The following CDH4 variants were observed in gnomAD, a reference collection of about 807,000 sequenced individuals.
The protein encoded by CDH4 is cadherin-4.
In CDH4, 33 loss-of-function variants were observed where a neutral mutation model predicts 86.0. The observed-to-expected ratio is 0.38, with a 90% CI of 0.29 to 0.51. The LOEUF (loss-of-function observed/expected upper bound fraction) is 0.51, where lower values mean the gene tolerates loss of function less well. Among genes scored for constraint, CDH4 ranks in the 20% least tolerant of loss-of-function variants. The pLI is 0.86. For missense variants in CDH4, 1,114 were observed against 1,307.4 expected (o/e 0.85, Z 2.28); for synonymous variants, 555 against 549.4 (o/e 1.01, Z -0.14).
At chr20:61,593,135 C>T (rs7353390) in intron 2 of CDH4, among the ~76,000 whole-genome samples, 35 of 152,278 alleles carry the variant, frequency 2.3e-4, no homozygotes, top group East Asian at 3.9e-4. Flanking sequence ...CAGAACTGTA[C>T]GGTAATGCTT....
At chr20:61,282,444 T>C (rs1219974284) in intron 2 of CDH4, among the ~76,000 whole-genome samples, 2 of 152,222 alleles carry the variant, frequency 1.3e-5, no homozygotes, top group Non-Finnish European at 2.9e-5. Context: ...AAAAAAATTA[T>C]TGTTAAAGAC....
At chr20:61,570,555 G>C (rs1262512252) in intron 2 of CDH4, 1 of 652,936 alleles carries the variant, frequency 1.5e-6, no homozygotes, top group Non-Finnish European at 2.8e-6. Flanking sequence ...TTACATCCAA[G>C]CGTTGACTTT....
At chr20:61,429,791 G>A (rs62199130) in intron 2 of CDH4, among the ~76,000 whole-genome samples, 107 of 131,792 alleles carry the variant, frequency 8.1e-4, no homozygotes, top group African/African-American at 3.1e-3. Flanking sequence ...GGATGGGTGG[G>A]TGGAAAGATG....
In CDH4 at chr20:61,501,350, G is replaced by A. The variant is rs763612234; in HGVS notation, c.170-242213G>A. Among the ~76,000 whole-genome samples, 2 of 152,246 alleles carry A rather than the reference G, an allele frequency of 1.3e-5. No homozygotes were observed. Among genetic ancestry groups the A allele is most frequent in the Non-Finnish European group, 2.9e-5 (2 of 68,046 alleles). ...AACAGCGGTTAGAGACGGGTGGAAA[G>A]AGAGAGCATTGGGGTGACTGAGACA... On this transcript the variant is annotated intron_variant, in intron 2 of 15. Coordinates refer to ENST00000614565, the MANE Select transcript of CDH4 (RefSeq NM_001794.5). This position sits in a 1 kb window ranked among gnomAD's most constrained non-coding sequence, Gnocchi z 4.2.
At chr20:61,568,635 C>T (rs935600663) in intron 2 of CDH4, among the ~76,000 whole-genome samples, 3 of 152,250 alleles carry the variant, frequency 2.0e-5, no homozygotes, top group Non-Finnish European at 4.4e-5. Context: ...ATGCTCCAGT[C>T]TTGGCGCCTT....
chr20:61,924,482 G>A lies in CDH4; in HGVS notation c.1771+6G>A. ...CTTCCTGGCAGCTGACAATGGTGCG[G>A]CCCACCCCAGGGAGGCAGCCGTCTC... On this transcript the variant is annotated splice_donor_region_variant and intron_variant, in intron 11 of 15. Transcript: ENST00000614565. The A allele has an allele frequency of 2.5e-6, 4 of 1,611,764 alleles. No individual in the cohort carries two copies. Among genetic ancestry groups the A allele is most frequent in the Non-Finnish European group, 3.4e-6 (4 of 1,179,040 alleles).
chr20:61,844,475 G>A (rs1035113729), intron 4 of CDH4, among the ~76,000 whole-genome samples, 193 bp from the exon 5 acceptor site: 7 of 152,136 alleles, frequency 4.6e-5, no homozygotes, highest in Admixed American at 6.5e-5. Flanking sequence ...TGCAGTCGGC[G>A]GCTCTCAGTG....
At position 61,393,345 on chromosome 20, in the gene CDH4, G is replaced by C. The variant is rs779022214; in HGVS notation, c.169+138408G>C. ...CAGTGGTGTGGGGGACAGCAGCCGG[G>C]GGGGGCCGGGGTCTTCCTTACCTCC... is the stretch of plus-strand genomic sequence containing the variant. On this transcript the variant is annotated intron_variant, in intron 2 of 15. Transcript: ENST00000614565. The surrounding 1 kb of genome is among the most constrained non-coding windows in gnomAD (Gnocchi z 4.3). Among the ~76,000 whole-genome samples, 11 of 152,150 alleles carry C rather than the reference G, an allele frequency of 7.2e-5. No individual in the cohort carries two copies. The South Asian group carries it at 8.3e-4, about 12-fold the overall frequency.
At chr20:61,794,365 C>T (rs1979409285) in intron 4 of CDH4, among the ~76,000 whole-genome samples, 1 of 152,144 alleles carries the variant, frequency 6.6e-6, no homozygotes, top group African/African-American at 2.4e-5. Flanking sequence ...GGACATTCCA[C>T]TAAGCCAGCC....
Position 61,879,205 on chromosome 20 carries a change from C to G in CDH4, c.1050+5305C>G, listed in dbSNP as rs939091950. Among the ~76,000 whole-genome samples, 22 of 152,222 alleles carry G rather than the reference C, an allele frequency of 1.4e-4. No homozygotes were observed. Among genetic ancestry groups the G allele is most frequent in the African/African-American group, 4.8e-4 (20 of 41,450 alleles). ...CTTCACCCAGCAGAGCCACTGCCCCCCTGGGCCCAGGCCTGCTGAGCCCGA... is the reference window on the plus strand; with the variant it reads ...CTTCACCCAGCAGAGCCACTGCCCCGCTGGGCCCAGGCCTGCTGAGCCCGA... On this transcript the variant is annotated intron_variant, in intron 7 of 15. Transcript: ENST00000614565. The surrounding 1 kb of genome is among the most constrained non-coding windows in gnomAD (Gnocchi z 4.1).
chr20:61,692,949 T>C (rs1462099681), intron 2 of CDH4, among the ~76,000 whole-genome samples: 1 of 151,294 alleles, frequency 6.6e-6, no homozygotes, highest in Non-Finnish European at 1.5e-5. Flanking sequence ...TGTGAGGAGG[T>C]TTATGAAAGG....
intron 2 of CDH4, among the ~76,000 whole-genome samples, chr20:61,397,813 G>C (rs1438615125): frequency 6.6e-6 from 1 of 152,168 alleles, no homozygotes; most frequent in Non-Finnish European, 1.5e-5. Context: ...CACATGGATT[G>C]GACAAATTAA....
chr20:61,528,694 C>T (rs899309924), intron 2 of CDH4, among the ~76,000 whole-genome samples: 13 of 152,096 alleles, frequency 8.5e-5, no homozygotes, highest in Non-Finnish European at 1.0e-4. Context: ...GAGACCAAAG[C>T]TGCGGGAATG....
intron 2 of CDH4, among the ~76,000 whole-genome samples, chr20:61,382,076 CAAAAAT>C (rs1179350548): frequency 7.8e-6 from 1 of 128,550 alleles, no homozygotes; most frequent in African/African-American, 3.3e-5. Flanking sequence ...AACTCCATCT[CAAAAAT>C]AAAAATAAAA....
intron 2 of CDH4, among the ~76,000 whole-genome samples, chr20:61,736,440 A>G (rs1220758755): frequency 6.6e-6 from 1 of 152,092 alleles, no homozygotes; most frequent in African/African-American, 2.4e-5. Flanking sequence ...TCAGGCTCTC[A>G]CAGAACCTGT....
intron 5 of CDH4, among the ~76,000 whole-genome samples, chr20:61,848,406 C>G (rs911427890): frequency 6.6e-6 from 1 of 152,370 alleles, no homozygotes; most frequent in Non-Finnish European, 1.5e-5. Context: ...GGGTCTCGCT[C>G]TGTCACTCAG....
chr20:61,570,517 A>G, intron 2 of CDH4: 1 of 610,192 alleles, frequency 1.6e-6, no homozygotes, highest in Non-Finnish European at 3.0e-6. Context: ...GATGGGAATG[A>G]GAAGGTCGAT....
At chr20:61,852,556 C>T (rs1297351781) in intron 5 of CDH4, among the ~76,000 whole-genome samples, 198 bp from the exon 6 acceptor site, 4 of 152,186 alleles carry the variant, frequency 2.6e-5, no homozygotes, top group Non-Finnish European at 5.9e-5. Context: ...CCCCACTCTG[C>T]ACTCTCCTGA....
chr20:61,278,491 C>T (rs578038851), intron 2 of CDH4, among the ~76,000 whole-genome samples: 1 of 152,212 alleles, frequency 6.6e-6, no homozygotes, highest in African/African-American at 2.4e-5. Context: ...CGGTCCGTGG[C>T]GACCTCAGGC....
Sources: allele counts gnomAD v4.1 joint callset (sites outside exome capture counted in the v4.1 genomes callset), GRCh38; gene constraint gnomAD v4.1.1; non-coding constraint Gnocchi (gnomAD v3.1); transcripts MANE v1.5; gene names NCBI Gene and HGNC (gene_info 2026-07-23, HGNC 2026-07-21).